FER: variants seen among roughly 807,000 people sequenced by gnomAD.
FER encodes the protein FER tyrosine kinase.
Under a neutral mutation model 111.0 loss-of-function variants are expected in FER, and 63 were observed. The ratio of observed to expected loss-of-function variants is 0.57; its 90% CI spans 0.46 to 0.70. FER has a LOEUF of 0.70. FER is among the 30% of genes least tolerant of loss of function. The pLI, the probability that FER is intolerant of heterozygous loss-of-function variation, is 0.00. For synonymous variants in FER, 327 were observed against 313.9 expected (o/e 1.04, Z -0.44); for missense variants, 914 against 954.0 (o/e 0.96, Z 0.55).
intron 17 of FER, among the ~76,000 whole-genome samples, chr5:109,156,050 A>G (rs1236141392): frequency 1.3e-5 from 2 of 152,074 alleles, no homozygotes; most frequent in Non-Finnish European, 1.5e-5. Flanking sequence ...GAAAATCCTT[A>G]TAAGCGATAT....
chr5:108,912,762 A>C (rs1003597654), intron 10 of FER, among the ~76,000 whole-genome samples: 1 of 152,214 alleles, frequency 6.6e-6, no homozygotes, highest in Non-Finnish European at 1.5e-5. Flanking sequence ...TAAGGATTGA[A>C]GGCCTGGGAA....
Position 109,187,700 on chromosome 5 carries a change from A to G in FER, c.*125A>G, listed in dbSNP as rs1423421775. On this transcript the variant is annotated 3_prime_UTR_variant, in exon 20 of 20. Coordinates refer to ENST00000281092, the MANE Select transcript of FER (RefSeq NM_005246.4). ...CAGTCTTCTACCATTATTTTTTATT[A>G]ACTGGGTGTTTTAAAAGTACGTTCC... 3.3e-6 allele frequency: 4 copies of G among 1,211,718 alleles called. No homozygotes were observed. The highest frequency in any genetic ancestry group is 4.6e-6 in the Non-Finnish European group (4 of 876,248). 75.1% of individuals were successfully genotyped at this position (1,211,718 alleles called of 1,614,324 possible). A position where few individuals can be genotyped will look rare whatever the true frequency, so the allele number is the denominator to read the frequency against.
chr5:108,976,266 C>CT (rs1350528750), intron 13 of FER, among the ~76,000 whole-genome samples: 1 of 152,182 alleles, frequency 6.6e-6, no homozygotes, highest in African/African-American at 2.4e-5. Context: ...ATCTACTTCT[C>CT]TTTCCTTTAG....
At chr5:108,862,599 A>G (rs1763637338) in intron 5 of FER, among the ~76,000 whole-genome samples, 1 of 152,070 alleles carries the variant, frequency 6.6e-6, no homozygotes, top group Admixed American at 6.5e-5. Flanking sequence ...CAGTGAATTG[A>G]TTATACCTTT....
At chr5:109,155,241 T>C (rs1755239690) in intron 17 of FER, among the ~76,000 whole-genome samples, 1 of 151,892 alleles carries the variant, frequency 6.6e-6, no homozygotes, top group Admixed American at 6.6e-5. Flanking sequence ...TAGGATCCTA[T>C]CTGGCAAGAA....
chr5:109,001,575 A>G (rs2149781209), intron 13 of FER, among the ~76,000 whole-genome samples: 1 of 152,328 alleles, frequency 6.6e-6, no homozygotes, highest in South Asian at 2.1e-4. Flanking sequence ...AACTGGCACA[A>G]GACAGGGATG....
At chr5:108,983,983 C>T (rs773073737) in intron 13 of FER, among the ~76,000 whole-genome samples, 2 of 152,094 alleles carry the variant, frequency 1.3e-5, no homozygotes, top group African/African-American at 2.4e-5. Flanking sequence ...ATTTATTGAG[C>T]ACCTGCTTTG....
intron 3 of FER, among the ~76,000 whole-genome samples, chr5:108,832,295 G>A (rs1760125124): frequency 6.6e-6 from 1 of 152,322 alleles, no homozygotes; most frequent in East Asian, 1.9e-4. Flanking sequence ...AGGAAGCTAA[G>A]CGAGCCTCCA....
In FER at chr5:109,195,678, A is replaced by T. The variant is rs1460408834; in HGVS notation, c.*8103A>T. ...ATTTCACTTTACTATACAAAATGTC[A>T]GCTACCCAGTTGCATCCTGTGACAT... On this transcript the variant is annotated 3_prime_UTR_variant, in exon 20 of 20. Coordinates refer to ENST00000281092, the MANE Select transcript of FER (RefSeq NM_005246.4). 1.3e-5 allele frequency: 2 copies of T among 152,200 alleles called. No homozygotes were observed. The highest frequency in any genetic ancestry group is 3.9e-4 in the East Asian group (2 of 5,194). 9.4% of individuals were successfully genotyped at this position (152,200 alleles called of 1,614,324 possible).
chr5:108,915,025 A>C (rs1462223000), intron 10 of FER, among the ~76,000 whole-genome samples: 1 of 152,144 alleles, frequency 6.6e-6, no homozygotes, highest in Non-Finnish European at 1.5e-5. Context: ...GTAAAGTAGG[A>C]TATGGATTAT....
rs138177404 is a variant in FER at position 109,128,029 on chromosome 5, C to T, written c.2048+27510C>T. 6.4e-4 allele frequency among the ~76,000 whole-genome samples: 98 copies of T among 152,094 alleles called. 1 individual carries two copies. Among genetic ancestry groups the T allele is most frequent in the African/African-American group, 2.0e-3 (83 of 41,492 alleles). The stretch of plus-strand genomic sequence containing the variant: ...AACTTTTACCAGTTCTGTTGAAAAC[C>T]GTTAATCAGAAATTTTATAAGTCTT... On this transcript the variant is annotated intron_variant, in intron 17 of 19. Coordinates refer to ENST00000281092, the MANE Select transcript of FER (RefSeq NM_005246.4).
intron 5 of FER, among the ~76,000 whole-genome samples, chr5:108,845,034 A>T: frequency 1.8e-5 from 1 of 55,784 alleles, no homozygotes; most frequent in Admixed American, 2.3e-4. Flanking sequence ...ATATATATAT[A>T]TATATACATA....
At chr5:109,129,399 T>C (rs1170012874) in intron 17 of FER, among the ~76,000 whole-genome samples, 6 of 152,024 alleles carry the variant, frequency 3.9e-5, no homozygotes, top group African/African-American at 7.2e-5. Context: ...CTTTAACTTG[T>C]TCTGAATCCT....
intron 13 of FER, among the ~76,000 whole-genome samples, chr5:109,007,965 A>G (rs1350394176): frequency 6.6e-6 from 1 of 152,062 alleles, no homozygotes; most frequent in African/African-American, 2.4e-5. Context: ...ACTTTTAGCT[A>G]CTCTCATAGG....
intron 10 of FER, among the ~76,000 whole-genome samples, chr5:108,945,449 C>A (rs1756856547): frequency 6.6e-6 from 1 of 151,828 alleles, no homozygotes; most frequent in African/African-American, 2.4e-5. Context: ...GGAAAAGTTT[C>A]CTTCATTATG....
At chr5:108,847,313 T>G (rs1348778335) in intron 5 of FER, among the ~76,000 whole-genome samples, 1 of 151,960 alleles carries the variant, frequency 6.6e-6, no homozygotes, top group East Asian at 1.9e-4. Context: ...TTCCTAATGT[T>G]TTATCGTTTT....
At chr5:108,958,234 TG>T (rs34227165) in intron 12 of FER, among the ~76,000 whole-genome samples, 18,738 of 151,770 alleles carry the variant, frequency 0.12, 1,205 homozygotes, top group Middle Eastern at 0.16. Context: ...AACTTTCAGC[TG>T]GGAAAGTAAT....
At chr5:109,156,271 C>T (rs756165654) in intron 17 of FER, among the ~76,000 whole-genome samples, 3 of 151,886 alleles carry the variant, frequency 2.0e-5, no homozygotes, top group African/African-American at 2.4e-5. Flanking sequence ...TTTGAAAGGC[C>T]TTAAGTTCAT....
chr5:109,172,914 A>C (rs1757295787), intron 17 of FER, among the ~76,000 whole-genome samples: 1 of 152,256 alleles, frequency 6.6e-6, no homozygotes, highest in Admixed American at 6.5e-5. Context: ...TAAACTATAA[A>C]CCATCCAGAT....
Sources: allele counts gnomAD v4.1 joint callset (sites outside exome capture counted in the v4.1 genomes callset), GRCh38; gene constraint gnomAD v4.1.1; transcripts MANE v1.5; gene names NCBI Gene and HGNC (gene_info 2026-07-23, HGNC 2026-07-21).